The following PSMC2 variants were observed in gnomAD, a reference collection of about 807,000 sequenced individuals.
PSMC2 encodes the protein proteasome 26S subunit, ATPase 2.
In PSMC2, 7 loss-of-function variants were observed where a neutral mutation model predicts 53.3. The observed-to-expected ratio is 0.13, with a 90% CI of 0.07 to 0.25. PSMC2 has a LOEUF of 0.25. PSMC2 is among the 10% of genes least tolerant of loss of function. PSMC2 has a pLI of 1.00. For synonymous variants in PSMC2, 169 were observed against 183.9 expected (o/e 0.92, Z 0.66); for missense variants, 241 against 544.0 (o/e 0.44, Z 5.54).
Position 103,364,193 on chromosome 7 carries a change from C to G in PSMC2, c.642C>G (p.Leu214=), listed in dbSNP as rs1045617774. The G allele has an allele frequency of 6.2e-7, 1 of 1,614,164 alleles. No individual in the cohort carries two copies. The highest frequency in any genetic ancestry group is 8.5e-7 in the Non-Finnish European group (1 of 1,180,038). ...TTGAGCCTCCCAAGGGCGTGCTGCT[C>G]TTTGGTCCACCCGGTACAGGCAAGA... ...LGIEPPKGVL[L]FGPPGTGKTL... The change falls in exon 8 of 12, where the codon CTC becomes CTG. Residue 214 remains leucine, a synonymous_variant. Transcript: ENST00000292644.
intron 4 of PSMC2, 75 bp from the exon 5 acceptor site, chr7:103,361,882 G>T: frequency 7.0e-7 from 1 of 1,428,770 alleles, no homozygotes; most frequent in Non-Finnish European, 9.5e-7. Context: ...GCACACTCAG[G>T]ATATAATCTA....
chr7:103,355,880 A>G, intron 4 of PSMC2, 87 bp downstream of exon 4: 1 of 894,620 alleles, frequency 1.1e-6, no homozygotes, highest in Non-Finnish European at 1.6e-6. Flanking sequence ...GCAATAGTTC[A>G]TAAATAATTT....
chr7:103,347,899 T>G, intron 1 of PSMC2, 118 bp downstream of exon 1: 1 of 1,099,938 alleles, frequency 9.1e-7, no homozygotes, highest in Non-Finnish European at 1.4e-6. Context: ...TTTGTGCCCC[T>G]AGTAATTTAG....
chr7:103,366,438 C>T (rs1162733716), intron 9 of PSMC2, among the ~76,000 whole-genome samples: 3 of 152,122 alleles, frequency 2.0e-5, no homozygotes, highest in East Asian at 3.8e-4. Context: ...TTGGAATTCA[C>T]ATATTTTGGA....
chr7:103,363,753 C>T lies in PSMC2; in HGVS notation c.591+314C>T, dbSNP rs114728733. Among the ~76,000 whole-genome samples the T allele has an allele frequency of 2.2e-3, 337 of 152,102 alleles. 1 individual carries two copies. Among genetic ancestry groups the T allele is most frequent in the African/African-American group, 7.7e-3 (320 of 41,496 alleles). ...AAGAAACTGGTTCTTCAAAAGACAT[C>T]GAGAAGAAAGGGGCTTAAATTGAAG... On this transcript the variant is annotated intron_variant, in intron 7 of 11. Transcript: ENST00000292644.
intron 8 of PSMC2, among the ~76,000 whole-genome samples, chr7:103,365,359 CGGTG>C (rs1398166492): frequency 6.6e-6 from 1 of 152,132 alleles, no homozygotes; most frequent in Non-Finnish European, 1.5e-5. Context: ...AGGCCAGGCA[CGGTG>C]GCTCATGCCT....
chr7:103,354,167 T>C (rs1368468559), intron 2 of PSMC2, among the ~76,000 whole-genome samples: 1 of 152,184 alleles, frequency 6.6e-6, no homozygotes, highest in Admixed American at 6.5e-5. Context: ...CTAAAGTTTA[T>C]AGAATAGATC....
intron 4 of PSMC2, among the ~76,000 whole-genome samples, chr7:103,358,354 T>G (rs1052783391): frequency 2.0e-5 from 3 of 152,162 alleles, no homozygotes; most frequent in Non-Finnish European, 4.4e-5. Context: ...TGGGCTCTCT[T>G]GTCCTTTAGT....
Position 103,360,078 on chromosome 7 carries a change from C to CA in PSMC2, c.291-1864dup, listed in dbSNP as rs879838360. On this transcript the variant is annotated intron_variant, in intron 4 of 11. Coordinates refer to ENST00000292644, the MANE Select transcript of PSMC2 (RefSeq NM_002803.4). ...CCTGGGCAGCAGTGAGATTCCGTCT[C>CA]AAAAAAAAAAAAAAAGTTTTGTTTA... Among the ~76,000 whole-genome samples, 960 of 105,074 alleles carry CA rather than the reference C, an allele frequency of 9.1e-3. 6 individuals carry two copies. The highest frequency in any genetic ancestry group is 0.024 in the African/African-American group (667 of 28,278). 68.9% of individuals were successfully genotyped at this position (105,074 alleles called of 152,430 possible).
At chr7:103,349,700 T>C (rs932798511) in intron 1 of PSMC2, among the ~76,000 whole-genome samples, 1 of 152,220 alleles carries the variant, frequency 6.6e-6, no homozygotes, top group African/African-American at 2.4e-5. Context: ...TCCGCCCACC[T>C]TGGCCTCCCA....
intron 4 of PSMC2, among the ~76,000 whole-genome samples, chr7:103,357,075 C>T (rs1466248656): frequency 6.6e-6 from 1 of 152,074 alleles, no homozygotes; most frequent in Non-Finnish European, 1.5e-5. Context: ...CCTGTAATCC[C>T]AGCACTTTGG....
rs1291721465 is a variant in PSMC2 at position 103,367,477 on chromosome 7, C to T, written c.909C>T (p.Ile303=). ...NEVQRTMLEL[I]NQLDGFDPRG... Reference sequence around the variant, plus strand: ...TGCAGAGAACAATGTTGGAACTGATCAATCAGCTTGATGGTTTTGATCCTA... The same window carrying T: ...TGCAGAGAACAATGTTGGAACTGATTAATCAGCTTGATGGTTTTGATCCTA... The change falls in exon 10 of 12, where the codon ATC becomes ATT. Residue 303 remains isoleucine, a synonymous_variant. Transcript: ENST00000292644. The surrounding 1 kb of genome is among the most constrained non-coding windows in gnomAD (Gnocchi z 6.1). 4 of 1,614,036 alleles carry T rather than the reference C, an allele frequency of 2.5e-6. No homozygotes were observed.
At chr7:103,364,823 C>T (rs1820605155) in intron 8 of PSMC2, among the ~76,000 whole-genome samples, 1 of 151,956 alleles carries the variant, frequency 6.6e-6, no homozygotes, top group Non-Finnish European at 1.5e-5. Context: ...AAAAGGGTGA[C>T]ATTTTCTACA....
chr7:103,363,852 A>AT (rs1268444621), intron 7 of PSMC2, among the ~76,000 whole-genome samples: 4 of 152,050 alleles, frequency 2.6e-5, no homozygotes, highest in Non-Finnish European at 4.4e-5. Context: ...AAACACCATA[A>AT]TTTTTTTTAA....
At chr7:103,351,873 G>A (rs1819749252) in intron 1 of PSMC2, among the ~76,000 whole-genome samples, 1 of 151,974 alleles carries the variant, frequency 6.6e-6, no homozygotes, top group South Asian at 2.1e-4. Context: ...TTTGCCATGT[G>A]CTGTAGATTC....
At chr7:103,351,358 C>G (rs988004599) in intron 1 of PSMC2, among the ~76,000 whole-genome samples, 1 of 152,216 alleles carries the variant, frequency 6.6e-6, no homozygotes, top group Non-Finnish European at 1.5e-5. Context: ...CAAGGGTCCT[C>G]TTCCAGTGGA....
In PSMC2 at chr7:103,369,129, T is replaced by G. The variant is rs1300516084; in HGVS notation, c.*1075T>G. 6.6e-6 allele frequency: 1 copy of G among 152,186 alleles called. No individual in the cohort carries two copies. Among genetic ancestry groups the G allele is most frequent in the African/African-American group, 2.4e-5 (1 of 41,438 alleles). The allele number at this position is 152,186 out of a possible 1,614,324, so 9.4% of individuals were successfully genotyped here. ...AGTTGACAACATAGAAAATGCTGCT[T>G]TGCACTGAAATACTTAAAATTATGA... On this transcript the variant is annotated 3_prime_UTR_variant, in exon 12 of 12. Transcript: ENST00000292644.
intron 8 of PSMC2, among the ~76,000 whole-genome samples, chr7:103,364,962 T>C (rs936839698): frequency 7.5e-6 from 1 of 132,668 alleles, no homozygotes; most frequent in African/African-American, 3.4e-5. Flanking sequence ...GACATACATA[T>C]ATATATATAT....
In PSMC2 at chr7:103,362,166, G is replaced by A. The variant is rs1820450213; in HGVS notation, c.422+78G>A. 18 of 1,579,852 alleles carry A rather than the reference G, an allele frequency of 1.1e-5. No individual in the cohort carries two copies. The South Asian group carries it at 1.5e-4, about 13-fold the overall frequency. ...ACATTCATATCCTTGGCTTTGTAGT[G>A]AATAAATGGACTGAGTTCCTTGGAA... On this transcript the variant is annotated intron_variant, in intron 5 of 11. Transcript: ENST00000292644.
Sources: gnomAD v4.1 joint callset for allele counts (sites outside exome capture counted in the v4.1 genomes callset) on GRCh38, gnomAD v4.1.1 for gene constraint, Gnocchi (gnomAD v3.1) non-coding constraint, MANE v1.5 for transcripts, NCBI Gene and HGNC (gene_info 2026-07-23, HGNC 2026-07-21) for gene names.